The following ZFHX3 variants were observed in gnomAD, a reference collection of about 807,000 sequenced individuals.
ZFHX3 encodes the protein zinc finger homeobox protein 3.
A neutral mutation model predicts 279.1 loss-of-function variants in ZFHX3; 42 were observed. The ratio of observed to expected loss-of-function variants is 0.15; its 90% confidence interval spans 0.12 to 0.19. The LOEUF (loss-of-function observed/expected upper bound fraction) is 0.19, where lower values mean the gene tolerates loss of function less well. Ranked by LOEUF, ZFHX3 falls within the 10% of genes least tolerant of loss-of-function variation. The pLI is 1.00. For synonymous variants in ZFHX3, 2,293 were observed against 1,957.8 expected, an observed-to-expected ratio of 1.17 and a Z score of -4.52; for missense variants, 4,981 against 4,754.0, an observed-to-expected ratio of 1.05 and a Z score of -1.40.
intron 2 of ZFHX3, among the ~76,000 whole-genome samples, chr16:73,678,180 A>T (rs79627804): frequency 0.019 from 2,926 of 152,210 alleles, 102 homozygotes; most frequent in African/African-American, 0.067. Flanking sequence ...AAAAAACTAA[A>T]TGTTCATTTT....
intron 4 of ZFHX3, among the ~76,000 whole-genome samples, chr16:73,278,932 C>T (rs1000181916): frequency 1.3e-5 from 2 of 152,252 alleles, no homozygotes; most frequent in Non-Finnish European, 2.9e-5. Context: ...GGAAGTCCAG[C>T]TGGCTTCACC....
chr16:73,321,990 C>T (rs533171280), intron 3 of ZFHX3, among the ~76,000 whole-genome samples: 2 of 152,158 alleles, frequency 1.3e-5, no homozygotes, highest in Non-Finnish European at 2.9e-5. Context: ...ATAAAAATCC[C>T]GGAGGTAGAC....
rs556182693 is a variant in ZFHX3, at chr16:73,329,746, A to AAT, written c.-1290-11412_-1290-11411dup. ...AGGGGGGAGTTGGGATTAATGGGCAAATCTAAGTAGGCACCAAGGAACAAA... is the reference window on the plus strand; with the variant it reads ...AGGGGGGAGTTGGGATTAATGGGCAAATATCTAAGTAGGCACCAAGGAACAAA... On this transcript the variant is annotated intron_variant, in intron 3 of 17. Coordinates refer to the ZFHX3 transcript ENST00000641206. Among the ~76,000 whole-genome samples, 547 of 152,324 alleles carry AAT rather than the reference A, an allele frequency of 3.6e-3. 1 individual carries two copies. Among genetic ancestry groups the AAT allele is most frequent in the Non-Finnish European group, 6.1e-3 (416 of 68,026 alleles).
At chr16:73,656,165 T>C (rs537729677) in intron 2 of ZFHX3, among the ~76,000 whole-genome samples, 8 of 152,338 alleles carry the variant, frequency 5.3e-5, no homozygotes, top group African/African-American at 1.9e-4. Flanking sequence ...CATTTACATG[T>C]TGTCTGTGGC....
chr16:73,384,863 G>C (rs562772649), intron 3 of ZFHX3, among the ~76,000 whole-genome samples: 19 of 152,304 alleles, frequency 1.2e-4, no homozygotes, highest in African/African-American at 4.3e-4. Flanking sequence ...GCTTTGGGCA[G>C]GGCTGACTCC....
chr16:73,483,302 A>G (rs2018905162), intron 2 of ZFHX3: 1 of 444,694 alleles, frequency 2.2e-6, no homozygotes, highest in Admixed American at 2.5e-5. Flanking sequence ...AGCCTCCGAG[A>G]GAGAGCGAGA....
At chr16:72,805,736 A>G (rs950841468) in intron 7 of ZFHX3, among the ~76,000 whole-genome samples, 3 of 152,156 alleles carry the variant, frequency 2.0e-5, no homozygotes, top group African/African-American at 7.2e-5. Flanking sequence ...CTGCACACTT[A>G]CAGCCAACAA....
intron 3 of ZFHX3, among the ~76,000 whole-genome samples, chr16:73,350,581 C>T (rs1219499589): frequency 6.6e-6 from 1 of 152,180 alleles, no homozygotes; most frequent in African/African-American, 2.4e-5. Context: ...GTTGCAGCTT[C>T]AGGTAGCGAA....
chr16:73,838,223 C>T (rs964194574), intron 1 of ZFHX3, among the ~76,000 whole-genome samples: 1 of 152,194 alleles, frequency 6.6e-6, no homozygotes, highest in Non-Finnish European at 1.5e-5. Context: ...TTACATGTTG[C>T]TTTTCCTGTT....
chr16:73,420,596 A>G (rs1020673770), intron 3 of ZFHX3: 2 of 152,198 alleles, frequency 1.3e-5, no homozygotes, highest in Non-Finnish European at 2.9e-5. Flanking sequence ...TGATGTAATG[A>G]CATGGCATAT....
At position 72,795,531 on chromosome 16, in the gene ZFHX3, G is replaced by A. The variant is rs749012780; in HGVS notation, c.7151C>T (p.Thr2384Ile). 6.2e-7 allele frequency: 1 copy of A among 1,614,094 alleles called. No homozygotes were observed. The highest frequency in any genetic ancestry group is 8.5e-7 in the Non-Finnish European group (1 of 1,180,028). ...ILTPTSSSCSTPMPSQAYSAP... is the reference protein window; with the variant it reads ...ILTPTSSSCSIPMPSQAYSAP... Reference sequence around the variant, plus strand: ...GCTGTAAGCCTGTGAGGGCATCGGGGTACTGCAGGATGAGCTGGTAGGCGT... The same window carrying A: ...GCTGTAAGCCTGTGAGGGCATCGGGATACTGCAGGATGAGCTGGTAGGCGT... Residue 2384 changes from threonine to isoleucine, a missense_variant, in exon 9 of 10, where the codon ACC (threonine) becomes ATC (isoleucine). Thr to Ile is a moderately conservative substitution (Grantham distance 89, BLOSUM62 -1). Transcript: ENST00000268489.
chr16:73,637,265 T>G (rs1263649374), intron 2 of ZFHX3, among the ~76,000 whole-genome samples: 1 of 148,152 alleles, frequency 6.7e-6, no homozygotes, highest in African/African-American at 2.5e-5. Flanking sequence ...AGAATCTTGG[T>G]CTGTCGCCCA....
At chr16:73,020,864 C>A (rs904655885) in intron 1 of ZFHX3, among the ~76,000 whole-genome samples, 12 of 151,946 alleles carry the variant, frequency 7.9e-5, no homozygotes, top group African/African-American at 2.9e-4. Flanking sequence ...CTTCATCCCG[C>A]CCCCCCAATA....
intron 1 of ZFHX3, among the ~76,000 whole-genome samples, chr16:73,771,461 G>A (rs534821563): frequency 3.0e-4 from 46 of 152,312 alleles, no homozygotes; most frequent in African/African-American, 9.9e-4. Context: ...TAAACTCAGT[G>A]CCTATGTAAA....
chr16:73,452,478 C>G (rs919733292), intron 3 of ZFHX3, among the ~76,000 whole-genome samples: 1 of 152,098 alleles, frequency 6.6e-6, no homozygotes, highest in African/African-American at 2.4e-5. Flanking sequence ...GGCAGGCAGT[C>G]CTAGGTAGTT....
intron 2 of ZFHX3, among the ~76,000 whole-genome samples, chr16:73,654,448 C>G (rs1465913634): frequency 6.6e-6 from 1 of 152,030 alleles, no homozygotes; most frequent in Non-Finnish European, 1.5e-5. Context: ...CAAAGGAGCT[C>G]TTCTTCAGTT....
chr16:73,868,940 A>G (rs1327992062), intron 1 of ZFHX3, among the ~76,000 whole-genome samples: 1 of 152,124 alleles, frequency 6.6e-6, no homozygotes, highest in South Asian at 2.1e-4. Flanking sequence ...TCATGATTTC[A>G]TAATCTTCTT....
chr16:73,386,484 A>G (rs1445403209), intron 3 of ZFHX3, among the ~76,000 whole-genome samples: 1 of 152,188 alleles, frequency 6.6e-6, no homozygotes, highest in Non-Finnish European at 1.5e-5. Flanking sequence ...GGTTACGTGT[A>G]AGACTATTAT....
At chr16:73,185,674 TATTAAA>T (rs1462408926) in intron 5 of ZFHX3, among the ~76,000 whole-genome samples, 1 of 152,184 alleles carries the variant, frequency 6.6e-6, no homozygotes, top group East Asian at 1.9e-4. Context: ...TTTTGTAATG[TATTAAA>T]AATAGCTGAA....
Sources: gnomAD v4.1 joint callset for allele counts (sites outside exome capture counted in the v4.1 genomes callset) on GRCh38, gnomAD v4.1.1 for gene constraint, MANE v1.5 for transcripts, NCBI Gene and HGNC (gene_info 2026-07-23, HGNC 2026-07-21) for gene names.